Variants in JAM3 observed in about 807,000 individuals in gnomAD.
JAM3 encodes junctional adhesion molecule 3.
A neutral mutation model predicts 39.4 loss-of-function variants in JAM3; 31 were observed. The ratio of observed to expected loss-of-function variants is 0.79; its 90% CI spans 0.59 to 1.06. JAM3 has a LOEUF of 1.06. Ranked by LOEUF, JAM3 falls within the 50% of genes least tolerant of loss-of-function variation. The probability of loss-of-function intolerance (pLI) is 0.00; values close to 1 mark genes in which losing one functional copy is unlikely to be tolerated. For synonymous variants in JAM3, 182 were observed against 148.7 expected, an observed-to-expected ratio of 1.22 and a Z score of -1.63; for missense variants, 455 against 391.4, an observed-to-expected ratio of 1.16 and a Z score of -1.37.
At chr11:134,148,388 TAGA>T (rs1286763466) in intron 6 of JAM3, 156 bp from the exon 7 acceptor site, 12 of 796,704 alleles carry the variant, frequency 1.5e-5, no homozygotes, top group Non-Finnish European at 2.3e-5. Context: ...TGTTCTAGGC[TAGA>T]AGGATTGTAA....
intron 8 of JAM3, 95 bp downstream of exon 8, chr11:134,148,913 G>A: frequency 1.5e-6 from 2 of 1,306,204 alleles, no homozygotes; most frequent in Non-Finnish European, 2.2e-6. Context: ...GAAGATTTCT[G>A]AGTGATTGTG....
chr11:134,135,807 C>T (rs1300708754), intron 1 of JAM3, among the ~76,000 whole-genome samples: 2 of 151,986 alleles, frequency 1.3e-5, no homozygotes, highest in Non-Finnish European at 2.9e-5. Context: ...GGTGGCCCAC[C>T]CCTGTAATTC....
At chr11:134,070,805 C>A (rs1297859735) in intron 1 of JAM3, among the ~76,000 whole-genome samples, 1 of 152,260 alleles carries the variant, frequency 6.6e-6, no homozygotes, top group Non-Finnish European at 1.5e-5. Context: ...AAGAGCTTCA[C>A]TTACCCTTAA....
chr11:134,075,708 T>C (rs914913246), intron 1 of JAM3, among the ~76,000 whole-genome samples: 1 of 152,146 alleles, frequency 6.6e-6, no homozygotes, highest in Non-Finnish European at 1.5e-5. Flanking sequence ...ATTATGGGCA[T>C]ACACCACCAT....
chr11:134,098,937 C>A (rs1250008047), intron 1 of JAM3, among the ~76,000 whole-genome samples: 1 of 152,100 alleles, frequency 6.6e-6, no homozygotes, highest in Non-Finnish European at 1.5e-5. Flanking sequence ...GGTGGCTCAC[C>A]ACCTGTAGTC....
chr11:134,101,478 G>A (rs7123926), intron 1 of JAM3, among the ~76,000 whole-genome samples: 4,690 of 152,258 alleles, frequency 0.031, 238 homozygotes, highest in African/African-American at 0.11. Flanking sequence ...ACACAGAGCT[G>A]TGAGTCAGGG....
rs575783274 is a variant in JAM3, at chr11:134,093,255, G to A, written c.76+24096G>A. ...TTCCGTCTTACATGTCACTTCCTGA[G>A]GGAAGCTTCTCCTGAAACCTCCTTA... is the stretch of plus-strand genomic sequence containing the variant. On this transcript the variant is annotated intron_variant, in intron 1 of 8. Coordinates refer to ENST00000299106, the MANE Select transcript of JAM3 (RefSeq NM_032801.5). 1.1e-3 allele frequency among the ~76,000 whole-genome samples: 151 copies of A among 134,458 alleles called. 13 individuals carry two copies. Among genetic ancestry groups the A allele is most frequent in the Non-Finnish European group, 1.7e-3 (107 of 63,440 alleles). The allele number at this position is 134,458 out of a possible 152,430, so 88.2% of individuals were successfully genotyped here.
intron 1 of JAM3, among the ~76,000 whole-genome samples, chr11:134,106,564 A>T (rs1326483309): frequency 1.3e-5 from 2 of 152,224 alleles, no homozygotes; most frequent in Non-Finnish European, 2.9e-5. Context: ...CAACCTACAG[A>T]ATGGGAGAAA....
chr11:134,114,577 C>T (rs1942384373), intron 1 of JAM3, among the ~76,000 whole-genome samples: 1 of 152,024 alleles, frequency 6.6e-6, no homozygotes. Flanking sequence ...AGCTAAAACA[C>T]TTTTTAATTT....
intron 3 of JAM3, among the ~76,000 whole-genome samples, chr11:134,141,083 T>A (rs1280601660): frequency 6.6e-6 from 1 of 152,134 alleles, no homozygotes; most frequent in African/African-American, 2.4e-5. Context: ...CTTCTCATGA[T>A]CCTGATGTGA....
At position 134,150,886 on chromosome 11, in the gene JAM3, G is replaced by A. The variant is rs1465845181; in HGVS notation, c.*1705G>A. 1 of 152,198 alleles carries A rather than the reference G, an allele frequency of 6.6e-6. No homozygotes were observed. Among genetic ancestry groups the A allele is most frequent in the Non-Finnish European group, 1.5e-5 (1 of 68,040 alleles). 9.4% of individuals were successfully genotyped at this position (152,198 alleles called of 1,614,324 possible). On this transcript the variant is annotated 3_prime_UTR_variant, in exon 9 of 9. Coordinates refer to ENST00000299106, the MANE Select transcript of JAM3 (RefSeq NM_032801.5). The stretch of plus-strand genomic sequence containing the variant: ...GTGGAGCAGCCAGGTGAAAGGCCTG[G>A]CGGGGAGGAAAGTGAAACGCCTGAA...
intron 1 of JAM3, among the ~76,000 whole-genome samples, chr11:134,121,082 C>A (rs1031111365): frequency 6.6e-6 from 1 of 152,176 alleles, no homozygotes; most frequent in African/African-American, 2.4e-5. Context: ...CTGTGCATAG[C>A]GTCACTCCAG....
At chr11:134,120,414 C>G (rs959530553) in intron 1 of JAM3, among the ~76,000 whole-genome samples, 1 of 152,252 alleles carries the variant, frequency 6.6e-6, no homozygotes, top group African/African-American at 2.4e-5. Flanking sequence ...AGCAACACAT[C>G]AGATTCAGAG....
intron 1 of JAM3, chr11:134,126,590 TATTA>T (rs2120798860): frequency 6.6e-6 from 1 of 152,364 alleles, no homozygotes; most frequent in South Asian, 2.1e-4. Context: ...TGAGCCTCTT[TATTA>T]GTGTGGTTCA....
At chr11:134,116,366 C>A (rs946258638) in intron 1 of JAM3, among the ~76,000 whole-genome samples, 2 of 152,016 alleles carry the variant, frequency 1.3e-5, no homozygotes, top group African/African-American at 4.8e-5. Context: ...CATTGTAATT[C>A]TCCTGTAAAG....
chr11:134,077,180 A>G (rs1941583832), intron 1 of JAM3, among the ~76,000 whole-genome samples: 1 of 151,886 alleles, frequency 6.6e-6, no homozygotes, highest in African/African-American at 2.4e-5. Context: ...GTGAGATGGC[A>G]TTTCGTTGTG....
chr11:134,141,854 C>T (rs887118050), intron 3 of JAM3, among the ~76,000 whole-genome samples: 3 of 151,694 alleles, frequency 2.0e-5, no homozygotes, highest in South Asian at 2.1e-4. Flanking sequence ...CATGCAGGCT[C>T]GTGCATGAGT....
At chr11:134,073,786 C>G (rs1406265995) in intron 1 of JAM3, among the ~76,000 whole-genome samples, 2 of 152,138 alleles carry the variant, frequency 1.3e-5, no homozygotes, top group Non-Finnish European at 2.9e-5. Context: ...TTTTTTGTAT[C>G]TTTCCAGAGG....
chr11:134,111,477 A>T (rs1565492455), intron 1 of JAM3, among the ~76,000 whole-genome samples: 1 of 152,194 alleles, frequency 6.6e-6, no homozygotes, highest in Non-Finnish European at 1.5e-5. Context: ...GCACAATCAT[A>T]AGGGAAAAGA....
Sources: allele counts gnomAD v4.1 joint callset (sites outside exome capture counted in the v4.1 genomes callset), GRCh38; gene constraint gnomAD v4.1.1; transcripts MANE v1.5; gene names NCBI Gene and HGNC (gene_info 2026-07-23, HGNC 2026-07-21).